Variants in NTM observed in about 807,000 individuals in gnomAD.
NTM encodes the protein neurotrimin, also known as IgLON family member 2.
A neutral mutation model predicts 42.1 loss-of-function variants in NTM; 13 were observed. The ratio of observed to expected loss-of-function variants is 0.31; its 90% CI spans 0.20 to 0.49. The LOEUF (loss-of-function observed/expected upper bound fraction) is 0.49. Ranked by LOEUF, NTM falls within the 20% of genes least tolerant of loss-of-function variation. The pLI is 0.99. For synonymous variants in NTM, 187 were observed against 179.2 expected (o/e 1.04, Z -0.35); for missense variants, 373 against 452.8 (o/e 0.82, Z 1.60).
intron 7 of NTM, among the ~76,000 whole-genome samples, chr11:132,329,415 C>A (rs2095755089): frequency 6.6e-6 from 1 of 152,198 alleles, no homozygotes; most frequent in Non-Finnish European, 1.5e-5. Flanking sequence ...ACAGCCTAGG[C>A]AGCAGAGAGG....
chr11:131,961,993 T>A (rs2062235784), intron 2 of NTM, among the ~76,000 whole-genome samples: 1 of 152,090 alleles, frequency 6.6e-6, no homozygotes, highest in Admixed American at 6.5e-5. Flanking sequence ...CATCAGCAAC[T>A]TGATTTTGCC....
At chr11:131,835,463 A>G (rs2043370634) in intron 1 of NTM, among the ~76,000 whole-genome samples, 1 of 152,216 alleles carries the variant, frequency 6.6e-6, no homozygotes, top group South Asian at 2.1e-4. Flanking sequence ...AGCACTTCAC[A>G]AAGTGATCAA....
intron 1 of NTM, among the ~76,000 whole-genome samples, chr11:131,857,289 A>G (rs1454821756): frequency 6.6e-6 from 1 of 151,894 alleles, no homozygotes; most frequent in Admixed American, 6.6e-5. Context: ...ATTATACTAT[A>G]CCCCTGAGCT....
chr11:132,161,642 C>G (rs2074315516), intron 3 of NTM, among the ~76,000 whole-genome samples: 1 of 151,912 alleles, frequency 6.6e-6, no homozygotes, highest in Admixed American at 6.6e-5. Flanking sequence ...TCTTTGCTTC[C>G]TCTCCTCTTC....
chr11:132,180,155 C>A (rs774918666), intron 3 of NTM, among the ~76,000 whole-genome samples: 4 of 152,122 alleles, frequency 2.6e-5, no homozygotes, highest in Non-Finnish European at 5.9e-5. Flanking sequence ...ACTTCACATT[C>A]ACTTTGTATT....
chr11:132,035,791 G>C (rs1251070105), intron 2 of NTM, among the ~76,000 whole-genome samples: 1 of 152,100 alleles, frequency 6.6e-6, no homozygotes, highest in Admixed American at 6.5e-5. Context: ...CTGGGTAATG[G>C]ATGTCTTGCT....
intron 1 of NTM, among the ~76,000 whole-genome samples, chr11:131,796,618 G>A (rs1438385267): frequency 6.6e-6 from 1 of 152,150 alleles, no homozygotes; most frequent in African/African-American, 2.4e-5. Context: ...AGTGTGTAGA[G>A]TCCCAGCCTC....
At chr11:131,891,563 C>T (rs962694725) in intron 1 of NTM, among the ~76,000 whole-genome samples, 1 of 152,172 alleles carries the variant, frequency 6.6e-6, no homozygotes, top group South Asian at 2.1e-4. Flanking sequence ...GAGCAAGCAG[C>T]TCTCCAGATG....
chr11:131,812,183 C>CCTCTCTCTCTCTCT lies in NTM; in HGVS notation c.83-99356_83-99343dup, dbSNP rs145003478. 3.3e-3 allele frequency among the ~76,000 whole-genome samples: 473 copies of CCTCTCTCTCTCTCT among 142,966 alleles called. 10 individuals are homozygous for CCTCTCTCTCTCTCT. The highest frequency in any genetic ancestry group is 0.012 in the African/African-American group (449 of 36,242). The allele number at this position is 142,966 out of a possible 152,430, so 93.8% of individuals were successfully genotyped here. ...CTTTGTCAGAAAGATAATTAGTCAG[C>CCTCTCTCTCTCTCT]CTCTCTCTCTCTCTCTCTCTCTCTC... On this transcript the variant is annotated intron_variant, in intron 1 of 8. Transcript: ENST00000683400.
At chr11:131,867,088 C>T (rs1480491657) in intron 1 of NTM, among the ~76,000 whole-genome samples, 1 of 152,128 alleles carries the variant, frequency 6.6e-6, no homozygotes, top group Admixed American at 6.5e-5. Flanking sequence ...ATTAGCAGCC[C>T]AAAAGTAAAT....
chr11:131,681,309 GTATGTC>G (rs1174021432), intron 1 of NTM, among the ~76,000 whole-genome samples: 2 of 36,352 alleles, frequency 5.5e-5, no homozygotes, highest in African/African-American at 7.1e-5. Context: ...TTCTGTGTCT[GTATGTC>G]TGTGTGTGTG....
At chr11:132,287,376 C>T (rs2094286100) in intron 4 of NTM, among the ~76,000 whole-genome samples, 2 of 152,160 alleles carry the variant, frequency 1.3e-5, no homozygotes, top group South Asian at 2.1e-4. Flanking sequence ...TGTCTGCGTA[C>T]GTTTCCTTCT....
chr11:132,264,001 G>A (rs1416703590), intron 4 of NTM, among the ~76,000 whole-genome samples: 1 of 152,154 alleles, frequency 6.6e-6, no homozygotes, highest in Non-Finnish European at 1.5e-5. Flanking sequence ...ATTGCCTTTA[G>A]TAGTAGACAG....
rs145046119 is a variant in NTM, at chr11:131,958,788, G to A, written c.167+47140G>A. On this transcript the variant is annotated intron_variant, in intron 2 of 8. Coordinates refer to ENST00000683400, the MANE Select transcript of NTM (RefSeq NM_001352005.2). ...TTTATGCTGATTCTGTACTACTCTCGCGAGTTCTTGCCCTGTAATGTGTGA... is the reference window on the plus strand; with the variant it reads ...TTTATGCTGATTCTGTACTACTCTCACGAGTTCTTGCCCTGTAATGTGTGA... 4.0e-3 allele frequency among the ~76,000 whole-genome samples: 608 copies of A among 152,254 alleles called. 1 individual carries two copies. The highest frequency in any genetic ancestry group is 7.1e-3 in the Admixed American group (108 of 15,298).
intron 1 of NTM, chr11:131,795,212 TA>T: frequency 2.8e-6 from 1 of 357,564 alleles, no homozygotes; most frequent in Non-Finnish European, 3.9e-6. Context: ...CACGGCAGCC[TA>T]ATCCCAGCTC....
At chr11:131,988,682 T>C (rs1443165805) in intron 2 of NTM, among the ~76,000 whole-genome samples, 1 of 152,136 alleles carries the variant, frequency 6.6e-6, no homozygotes, top group Non-Finnish European at 1.5e-5. Context: ...CTAGAGAAAT[T>C]GATATGTGTG....
At chr11:131,968,173 T>C (rs2134633519) in intron 2 of NTM, among the ~76,000 whole-genome samples, 1 of 152,302 alleles carries the variant, frequency 6.6e-6, no homozygotes, top group East Asian at 1.9e-4. Context: ...TCTCCTCCCC[T>C]ACATATTTTA....
intron 2 of NTM, among the ~76,000 whole-genome samples, chr11:132,111,574 C>G (rs961429301): frequency 6.6e-6 from 1 of 152,174 alleles, no homozygotes; most frequent in Non-Finnish European, 1.5e-5. Context: ...CAGTCCTAAG[C>G]AAGCCAGTAT....
At chr11:132,164,015 C>T (rs879829334) in intron 3 of NTM, among the ~76,000 whole-genome samples, 1 of 152,132 alleles carries the variant, frequency 6.6e-6, no homozygotes, top group Non-Finnish European at 1.5e-5. Flanking sequence ...CAAGGTCATG[C>T]CGCTGGTTAA....
Sources: gnomAD v4.1 joint callset for allele counts (sites outside exome capture counted in the v4.1 genomes callset) on GRCh38, gnomAD v4.1.1 for gene constraint, MANE v1.5 for transcripts, NCBI Gene and HGNC (gene_info 2026-07-23, HGNC 2026-07-21) for gene names.